The following SLMAP variants were observed in gnomAD, a reference collection of about 807,000 sequenced individuals.
The protein encoded by SLMAP is sarcolemmal membrane-associated protein.
SLMAP carries 44 observed loss-of-function variants against 128.8 expected under a neutral mutation model. That is an observed-to-expected ratio of 0.34 (90% CI 0.27 to 0.44). The LOEUF is 0.44. Ranked by LOEUF, SLMAP falls within the 20% of genes least tolerant of loss-of-function variation. SLMAP has a pLI of 1.00. For missense variants in SLMAP, 787 were observed against 985.3 expected (o/e 0.80, Z 2.69); for synonymous variants, 327 against 348.8 (o/e 0.94, Z 0.70).
intron 2 of SLMAP, among the ~76,000 whole-genome samples, chr3:57,777,653 A>G (rs2082202387): frequency 1.3e-5 from 2 of 152,242 alleles, no homozygotes; most frequent in African/African-American, 4.8e-5. Flanking sequence ...ATCACTTGCA[A>G]AAGGTTAGTA....
intron 2 of SLMAP, among the ~76,000 whole-genome samples, chr3:57,797,691 A>G (rs1400081270): frequency 1.3e-5 from 2 of 152,226 alleles, no homozygotes; most frequent in Non-Finnish European, 2.9e-5. Flanking sequence ...AAAAGATTAA[A>G]TGAAAAGCCT....
chr3:57,818,031 G>C (rs1324174088), intron 2 of SLMAP, among the ~76,000 whole-genome samples: 5 of 152,198 alleles, frequency 3.3e-5, no homozygotes, highest in African/African-American at 1.2e-4. Flanking sequence ...AGAGATAGTG[G>C]ATATAAAATT....
At chr3:57,807,346 T>G (rs1485374038) in intron 2 of SLMAP, among the ~76,000 whole-genome samples, 1 of 152,184 alleles carries the variant, frequency 6.6e-6, no homozygotes, top group East Asian at 1.9e-4. Flanking sequence ...ATTGGAGTGG[T>G]GAGAGAAGCA....
At chr3:57,816,132 T>C (rs1228691101) in intron 2 of SLMAP, among the ~76,000 whole-genome samples, 1 of 143,172 alleles carries the variant, frequency 7.0e-6, no homozygotes, top group Non-Finnish European at 1.5e-5. Flanking sequence ...CGTTTGTGTT[T>C]GTTTGTTTGT....
intron 2 of SLMAP, among the ~76,000 whole-genome samples, chr3:57,805,843 A>ATGT (rs2089705022): frequency 6.6e-6 from 1 of 151,732 alleles, no homozygotes; most frequent in South Asian, 2.1e-4. Flanking sequence ...ACCCCACACT[A>ATGT]TGTTGTGTCT....
intron 14 of SLMAP, among the ~76,000 whole-genome samples, chr3:57,879,036 T>G (rs1349971558): frequency 6.6e-6 from 1 of 152,178 alleles, no homozygotes; most frequent in Non-Finnish European, 1.5e-5. Context: ...AAAATGGCTT[T>G]TTAGCTTTAA....
intron 2 of SLMAP, among the ~76,000 whole-genome samples, chr3:57,760,971 C>T (rs1210597163): frequency 6.6e-6 from 1 of 151,962 alleles, no homozygotes; most frequent in Non-Finnish European, 1.5e-5. Flanking sequence ...AGGTGATCCA[C>T]CCACCTCAGC....
intron 7 of SLMAP, 34 bp from the exon 8 acceptor site, chr3:57,858,054 C>T (rs771378417): frequency 2.4e-5 from 31 of 1,306,716 alleles, no homozygotes; most frequent in Non-Finnish European, 2.9e-5. Context: ...TATAATTACT[C>T]GGGTTTTACT....
At chr3:57,922,470 A>G (rs1576473339) in intron 22 of SLMAP, among the ~76,000 whole-genome samples, 1 of 133,304 alleles carries the variant, frequency 7.5e-6, no homozygotes, top group Admixed American at 8.5e-5. Context: ...TCTGTCACCC[A>G]GGCTGGAGTG....
chr3:57,857,397 TTATAAATTAAGCATAGTAAGAAA>T (rs1389815206), intron 6 of SLMAP, among the ~76,000 whole-genome samples: 1 of 152,210 alleles, frequency 6.6e-6, no homozygotes, highest in Non-Finnish European at 1.5e-5. Context: ...AAAGTTTGAC[TTATAAATTAAGCATAGTAAGAAA>T]TTAACAATAA....
intron 14 of SLMAP, among the ~76,000 whole-genome samples, chr3:57,872,623 A>G (rs1224766816): frequency 2.0e-5 from 3 of 152,242 alleles, no homozygotes; most frequent in African/African-American, 7.2e-5. Flanking sequence ...GTATCTCCAA[A>G]GACAGACAAA....
intron 6 of SLMAP, 121 bp from the exon 7 acceptor site, chr3:57,857,612 C>T: frequency 4.3e-6 from 3 of 690,942 alleles, no homozygotes; most frequent in Non-Finnish European, 5.1e-6. Context: ...AGTTTCACTA[C>T]TTTAAAATAC....
chr3:57,847,345 G>A (rs1004455140), intron 5 of SLMAP, 112 bp downstream of exon 5: 1 of 756,520 alleles, frequency 1.3e-6, no homozygotes, highest in African/African-American at 1.8e-5. Flanking sequence ...AACAAAATAT[G>A]TAGAATGCAT....
At chr3:57,789,770 TTC>T (rs2085036096) in intron 2 of SLMAP, among the ~76,000 whole-genome samples, 1 of 152,126 alleles carries the variant, frequency 6.6e-6, no homozygotes, top group Non-Finnish European at 1.5e-5. Flanking sequence ...TATTTTGATG[TTC>T]TGAGTTCTTT....
intron 17 of SLMAP, chr3:57,901,188 A>G (rs910860541): frequency 3.9e-5 from 6 of 152,264 alleles, no homozygotes; most frequent in African/African-American, 1.4e-4. Context: ...CCTCTCTAGG[A>G]CCTTTGAGTA....
At chr3:57,894,253 C>T (rs2153656276) in intron 15 of SLMAP, among the ~76,000 whole-genome samples, 1 of 152,150 alleles carries the variant, frequency 6.6e-6, no homozygotes, top group African/African-American at 2.4e-5. Flanking sequence ...TCCTTCCAGA[C>T]CTTGAATAAA....
chr3:57,891,570 T>C (rs572451816), intron 15 of SLMAP, among the ~76,000 whole-genome samples: 2 of 147,184 alleles, frequency 1.4e-5, no homozygotes, highest in Non-Finnish European at 3.0e-5. Context: ...CTTTTGGGTT[T>C]TTAACCCTTT....
intron 14 of SLMAP, among the ~76,000 whole-genome samples, chr3:57,887,805 C>G (rs912245950): frequency 6.6e-6 from 1 of 152,084 alleles, no homozygotes; most frequent in Non-Finnish European, 1.5e-5. Flanking sequence ...CCCTGATGCC[C>G]AAACAGAACA....
chr3:57,801,206 T>A (rs2088252937), intron 2 of SLMAP: 2 of 153,226 alleles, frequency 1.3e-5, no homozygotes, highest in Admixed American at 6.5e-5. Flanking sequence ...GGTGACAATA[T>A]ATAGCAAATC....
Sources: gnomAD v4.1 joint callset for allele counts (sites outside exome capture counted in the v4.1 genomes callset) on GRCh38, gnomAD v4.1.1 for gene constraint, MANE v1.5 for transcripts, NCBI Gene and HGNC (gene_info 2026-07-23, HGNC 2026-07-21) for gene names.